The following ARHGAP32 variants were observed in gnomAD, a reference collection of about 807,000 sequenced individuals.
The protein encoded by ARHGAP32 is Rho GTPase activating protein 32.
Under a neutral mutation model 186.5 loss-of-function variants are expected in ARHGAP32, and 51 were observed. That is an observed-to-expected ratio of 0.27 (90% CI 0.22 to 0.35). The LOEUF is 0.35. Among genes scored for constraint, ARHGAP32 ranks in the 10% least tolerant of loss-of-function variants. The pLI is 1.00. For missense variants in ARHGAP32, 2,186 were observed against 2,623.5 expected, an observed-to-expected ratio of 0.83 and a Z score of 3.64; for synonymous variants, 950 against 964.3, an observed-to-expected ratio of 0.99 and a Z score of 0.27.
intron 11 of ARHGAP32, among the ~76,000 whole-genome samples, chr11:129,036,815 G>C (rs546794108): frequency 1.3e-5 from 2 of 152,074 alleles, no homozygotes; most frequent in Non-Finnish European, 2.9e-5. Flanking sequence ...AACAAGACAC[G>C]GATGCTTGTA....
At chr11:129,076,195 T>C (rs1941038477) in intron 6 of ARHGAP32, among the ~76,000 whole-genome samples, 1 of 152,218 alleles carries the variant, frequency 6.6e-6, no homozygotes, top group African/African-American at 2.4e-5. Context: ...TTCTGGGAAC[T>C]ACCCACCCTT....
chr11:129,087,828 G>C (rs911348326), intron 6 of ARHGAP32, among the ~76,000 whole-genome samples: 1 of 152,178 alleles, frequency 6.6e-6, no homozygotes, highest in Admixed American at 6.5e-5. Flanking sequence ...TGTTGCATGT[G>C]TGTCAAAACA....
intron 1 of ARHGAP32, among the ~76,000 whole-genome samples, chr11:129,219,149 T>C (rs1161489541): frequency 1.3e-5 from 2 of 152,230 alleles, no homozygotes; most frequent in Non-Finnish European, 2.9e-5. Context: ...GAGAACCTGA[T>C]CGCTGACTTT....
chr11:129,183,336 C>A (rs1393317699), intron 1 of ARHGAP32, among the ~76,000 whole-genome samples: 1 of 152,008 alleles, frequency 6.6e-6, no homozygotes, highest in Non-Finnish European at 1.5e-5. Flanking sequence ...ATTATTTAGC[C>A]AAGATCAATT....
chr11:129,062,362 G>C lies in ARHGAP32; in HGVS notation c.886-5C>G, dbSNP rs372181960. ...AACAGAAACAATGTCTCCCACCTAGGAGAATCAAAATTTTAAGCAAAATGG... is the reference window on the plus strand; with the variant it reads ...AACAGAAACAATGTCTCCCACCTAGCAGAATCAAAATTTTAAGCAAAATGG... On this transcript the variant is annotated splice_polypyrimidine_tract_variant and splice_region_variant and intron_variant, in intron 9 of 22. Coordinates refer to ENST00000682385, the MANE Select transcript of ARHGAP32 (RefSeq NM_001378024.1). The C allele has an allele frequency of 7.3e-5, 117 of 1,610,768 alleles. No homozygotes were observed. The highest frequency in any genetic ancestry group is 9.4e-5 in the Non-Finnish European group (111 of 1,178,312).
chr11:129,116,293 T>C (rs977918198), intron 5 of ARHGAP32, among the ~76,000 whole-genome samples: 1 of 152,082 alleles, frequency 6.6e-6, no homozygotes, highest in African/African-American at 2.4e-5. Context: ...ACTATAGATA[T>C]ATTTTTTCAC....
chr11:129,273,657 T>G (rs1326922373), intron 1 of ARHGAP32, among the ~76,000 whole-genome samples: 1 of 152,212 alleles, frequency 6.6e-6, no homozygotes, highest in African/African-American at 2.4e-5. Flanking sequence ...GCTACTCATC[T>G]TAAGAGTCCT....
At chr11:129,097,750 T>C (rs1396802203) in intron 5 of ARHGAP32, among the ~76,000 whole-genome samples, 1 of 152,134 alleles carries the variant, frequency 6.6e-6, no homozygotes, top group Non-Finnish European at 1.5e-5. Flanking sequence ...AAAGAGATTA[T>C]TTGAAAAGAT....
At chr11:129,079,776 G>A (rs1941167222) in intron 6 of ARHGAP32, among the ~76,000 whole-genome samples, 1 of 152,104 alleles carries the variant, frequency 6.6e-6, no homozygotes, top group African/African-American at 2.4e-5. Flanking sequence ...GACTGTAAAT[G>A]GCCTAAATGC....
At position 128,974,253 on chromosome 11, in the gene ARHGAP32, C is replaced by T. The variant is rs1285950212; in HGVS notation, c.2944G>A (p.Glu982Lys). 1.2e-6 allele frequency: 2 copies of T among 1,614,216 alleles called. No homozygotes were observed. The highest frequency in any genetic ancestry group is 2.2e-5 in the East Asian group (1 of 44,890). Residue 982 changes from glutamate (E) to lysine (K), a missense_variant, in exon 21 of 23, where the codon GAA becomes AAA. By Grantham distance (56) the Glu-to-Lys change is moderately conservative (BLOSUM62 1). Transcript: ENST00000682385. ...GGCTGGACTTCAGATTCATATGCTT[C>T]TTGGGCAACTGTCTCATTTGTTTTC... Reference protein sequence around the residue: ...KMKTNETVAQEAYESEVQPLD... With the variant: ...KMKTNETVAQKAYESEVQPLD...
intron 1 of ARHGAP32, among the ~76,000 whole-genome samples, chr11:129,239,556 T>C (rs1944987253): frequency 6.6e-6 from 1 of 152,080 alleles, no homozygotes; most frequent in African/African-American, 2.4e-5. Context: ...AAAATAGAAA[T>C]TGGATGATAC....
At chr11:128,972,315 A>T (rs2136071627) in intron 22 of ARHGAP32, 138 bp downstream of exon 22, 2 of 976,888 alleles carry the variant, frequency 2.0e-6, no homozygotes, top group South Asian at 5.4e-5. Flanking sequence ...CTCAAATGGG[A>T]ACTATCTCAT....
At chr11:128,999,334 T>A (rs998632158) in intron 11 of ARHGAP32, among the ~76,000 whole-genome samples, 1 of 152,168 alleles carries the variant, frequency 6.6e-6, no homozygotes, top group Non-Finnish European at 1.5e-5. Context: ...TAAATTTTAG[T>A]CAGACCGGTT....
At chr11:129,089,124 A>G (rs1192261135) in intron 6 of ARHGAP32, among the ~76,000 whole-genome samples, 3 of 152,122 alleles carry the variant, frequency 2.0e-5, no homozygotes, top group Non-Finnish European at 4.4e-5. Flanking sequence ...AAAATATCCC[A>G]ACATATGTAG....
chr11:129,168,103 A>G (rs1943675812), intron 1 of ARHGAP32, among the ~76,000 whole-genome samples: 3 of 152,130 alleles, frequency 2.0e-5, no homozygotes, highest in Admixed American at 2.0e-4. Context: ...AAAATTAGCC[A>G]GGTGAAATGG....
chr11:129,100,374 T>C (rs1941858967), intron 5 of ARHGAP32, among the ~76,000 whole-genome samples: 1 of 152,156 alleles, frequency 6.6e-6, no homozygotes, highest in Non-Finnish European at 1.5e-5. Context: ...TCACATGTCC[T>C]GGGAGCTATA....
chr11:129,005,561 AAT>A (rs1490213639), intron 11 of ARHGAP32, among the ~76,000 whole-genome samples: 1 of 152,138 alleles, frequency 6.6e-6, no homozygotes, highest in Non-Finnish European at 1.5e-5. Flanking sequence ...TAGCACTTTA[AAT>A]ATGTCATGCC....
chr11:129,279,149 GCCCCGCGGCCCCGCCGCGC>G (rs1235448514), exon 1 of ARHGAP32: 14 of 145,090 alleles, frequency 9.6e-5, no homozygotes, highest in South Asian at 7.4e-4. Flanking sequence ...GCCTTACCGA[GCCCCGCGGCCCCGCCGCGC>G]CGCCGCGGCG....
intron 12 of ARHGAP32, among the ~76,000 whole-genome samples, chr11:128,991,655 G>C (rs894417269): frequency 6.6e-6 from 1 of 152,114 alleles, no homozygotes; most frequent in African/African-American, 2.4e-5. Flanking sequence ...CCTCCAAAAT[G>C]CTTCCTCCAA....
Sources: allele counts gnomAD v4.1 joint callset (sites outside exome capture counted in the v4.1 genomes callset), GRCh38; gene constraint gnomAD v4.1.1; transcripts MANE v1.5; gene names NCBI Gene and HGNC (gene_info 2026-07-23, HGNC 2026-07-21).